Variants in DLGAP2 observed in about 807,000 individuals in gnomAD.
DLGAP2 encodes disks large-associated protein 2.
Under a neutral mutation model 100.3 loss-of-function variants are expected in DLGAP2, and 26 were observed. The observed-to-expected ratio is 0.26, with a 90% CI of 0.19 to 0.36. The LOEUF is 0.36. Among genes scored for constraint, DLGAP2 ranks in the 10% least tolerant of loss-of-function variants. The pLI is 1.00. For synonymous variants in DLGAP2, 886 were observed against 630.1 expected, an observed-to-expected ratio of 1.41 and a Z score of -6.08; for missense variants, 1,858 against 1,453.2, an observed-to-expected ratio of 1.28 and a Z score of -4.53.
At chr8:1,140,908 G>A (rs368437288) in intron 2 of DLGAP2, among the ~76,000 whole-genome samples, 1 of 152,170 alleles carries the variant, frequency 6.6e-6, no homozygotes, top group East Asian at 1.9e-4. Flanking sequence ...CGCTTGAACC[G>A]GGGGGTGGAG....
At chr8:906,967 G>T (rs1798394189) in intron 1 of DLGAP2, among the ~76,000 whole-genome samples, 1 of 152,144 alleles carries the variant, frequency 6.6e-6, no homozygotes, top group Admixed American at 6.5e-5. Context: ...GGGGAGAGGG[G>T]GGATGGAGGA....
Position 1,151,476 on chromosome 8 carries a change from G to A in DLGAP2, c.74-107375G>A, listed in dbSNP as rs146518630. Among the ~76,000 whole-genome samples the A allele has an allele frequency of 3.5e-4, 53 of 152,306 alleles. 1 individual carries two copies. The highest frequency in any genetic ancestry group is 1.0e-3 in the African/African-American group (42 of 41,566). On this transcript the variant is annotated intron_variant, in intron 2 of 14. Transcript: ENST00000637795. ...CAGCTTTGGGACGGTGAACACGTGCGAAGATGAACGGGAGAGGAGGGTTAT... is the reference window on the plus strand; with the variant it reads ...CAGCTTTGGGACGGTGAACACGTGCAAAGATGAACGGGAGAGGAGGGTTAT...
chr8:775,958 C>T (rs1390001473), intron 1 of DLGAP2, among the ~76,000 whole-genome samples: 12 of 150,370 alleles, frequency 8.0e-5, no homozygotes, highest in Admixed American at 3.3e-4. Context: ...TGGTAGAATT[C>T]GGCTGTGAAT....
intron 1 of DLGAP2, among the ~76,000 whole-genome samples, chr8:747,560 G>C (rs934989835): frequency 2.8e-5 from 4 of 141,754 alleles, no homozygotes; most frequent in Non-Finnish European, 6.2e-5. Flanking sequence ...CAGGGCGGGG[G>C]TGGGGGGCTC....
At chr8:1,311,351 G>T (rs1800609863) in intron 3 of DLGAP2, among the ~76,000 whole-genome samples, 1 of 152,156 alleles carries the variant, frequency 6.6e-6, no homozygotes, top group Non-Finnish European at 1.5e-5. Context: ...CACCAAACAG[G>T]TAAAGATGAA....
intron 1 of DLGAP2, among the ~76,000 whole-genome samples, chr8:827,925 TC>T (rs899550964): frequency 2.6e-5 from 4 of 152,058 alleles, no homozygotes; most frequent in African/African-American, 9.7e-5. Flanking sequence ...AAGCTGGGTG[TC>T]CGGGGGAGAC....
intron 1 of DLGAP2, among the ~76,000 whole-genome samples, chr8:840,010 C>G (rs1428620459): frequency 7.4e-6 from 1 of 134,256 alleles, no homozygotes; most frequent in East Asian, 2.3e-4. Flanking sequence ...CACGTCTCCC[C>G]ACACTCTGGA....
chr8:857,364 T>C (rs1797299010), intron 1 of DLGAP2, among the ~76,000 whole-genome samples: 1 of 152,178 alleles, frequency 6.6e-6, no homozygotes, highest in Non-Finnish European at 1.5e-5. Flanking sequence ...CAGCTTCTGC[T>C]CTGCAAAGAC....
At chr8:1,175,976 A>G (rs1443779361) in intron 2 of DLGAP2, among the ~76,000 whole-genome samples, 1 of 152,222 alleles carries the variant, frequency 6.6e-6, no homozygotes. Context: ...GAGCTGGCAC[A>G]GGGCCTATGT....
chr8:1,441,465 A>G (rs140003724), intron 3 of DLGAP2, among the ~76,000 whole-genome samples: 15 of 152,174 alleles, frequency 9.9e-5, no homozygotes, highest in African/African-American at 2.9e-4. Flanking sequence ...CGAGGTGGGC[A>G]GATCACAAGG....
At chr8:906,092 G>T (rs560481316) in intron 1 of DLGAP2, among the ~76,000 whole-genome samples, 1 of 152,352 alleles carries the variant, frequency 6.6e-6, no homozygotes, top group South Asian at 2.1e-4. Flanking sequence ...GTGGACGTGC[G>T]TGGGGCTTAC....
chr8:878,709 G>A (rs975509379), intron 1 of DLGAP2, among the ~76,000 whole-genome samples: 1 of 152,098 alleles, frequency 6.6e-6, no homozygotes, highest in African/African-American at 2.4e-5. Flanking sequence ...GTTCTCCTGG[G>A]AATGGGTTGC....
At chr8:1,151,779 T>C (rs1796702134) in intron 2 of DLGAP2, among the ~76,000 whole-genome samples, 1 of 152,230 alleles carries the variant, frequency 6.6e-6, no homozygotes, top group African/African-American at 2.4e-5. Context: ...TTGTTCTGTT[T>C]ACACGAACTA....
chr8:1,063,455 C>T (rs552295284), intron 2 of DLGAP2, among the ~76,000 whole-genome samples: 1 of 151,000 alleles, frequency 6.6e-6, no homozygotes, highest in South Asian at 2.1e-4. Context: ...GTGCAATCCA[C>T]AAGACGATGG....
intron 2 of DLGAP2, among the ~76,000 whole-genome samples, chr8:1,223,713 A>G (rs980182618): frequency 6.6e-6 from 1 of 152,198 alleles, no homozygotes; most frequent in Non-Finnish European, 1.5e-5. Flanking sequence ...CCCTGCAGCC[A>G]TTATGGAGGG....
chr8:1,351,384 C>T (rs1169063535), intron 3 of DLGAP2, among the ~76,000 whole-genome samples: 3 of 40,196 alleles, frequency 7.5e-5, no homozygotes, highest in Non-Finnish European at 1.5e-4. Flanking sequence ...AAAGGCCGTG[C>T]GGGTCCTGAG....
chr8:1,031,893 G>A (rs1320361777), intron 2 of DLGAP2, among the ~76,000 whole-genome samples: 2 of 152,206 alleles, frequency 1.3e-5, no homozygotes, highest in Non-Finnish European at 1.5e-5. Flanking sequence ...ATAAGTCCAT[G>A]CTACGCTGGT....
chr8:1,336,359 G>T (rs767402386), intron 3 of DLGAP2, among the ~76,000 whole-genome samples: 1 of 152,238 alleles, frequency 6.6e-6, no homozygotes, highest in African/African-American at 2.4e-5. Context: ...AGAAAGGAAG[G>T]AAAGAGCTGG....
chr8:1,552,652 AT>A (rs1323311905), intron 5 of DLGAP2, among the ~76,000 whole-genome samples: 1 of 152,216 alleles, frequency 6.6e-6, no homozygotes, highest in Non-Finnish European at 1.5e-5. Context: ...AACTAAAGGA[AT>A]TTGTCTGTGG....
Sources: allele counts gnomAD v4.1 joint callset (sites outside exome capture counted in the v4.1 genomes callset), GRCh38; gene constraint gnomAD v4.1.1; transcripts MANE v1.5; gene names NCBI Gene and HGNC (gene_info 2026-07-23, HGNC 2026-07-21).